ITGA2: variants seen among roughly 807,000 people sequenced by gnomAD.
ITGA2 encodes integrin alpha-2.
A neutral mutation model predicts 146.3 loss-of-function variants in ITGA2; 101 were observed. The ratio of observed to expected loss-of-function variants is 0.69; its 90% CI spans 0.59 to 0.81. The LOEUF (loss-of-function observed/expected upper bound fraction) is 0.81, where lower values mean the gene tolerates loss of function less well. Among genes scored for constraint, ITGA2 ranks in the 40% least tolerant of loss-of-function variants. The pLI is 0.00. For missense variants in ITGA2, 1,281 were observed against 1,402.7 expected, an observed-to-expected ratio of 0.91 and a Z score of 1.39; for synonymous variants, 477 against 487.1, an observed-to-expected ratio of 0.98 and a Z score of 0.27.
intron 15 of ITGA2, 129 bp downstream of exon 15, chr5:53,066,106 A>C (rs1255433611): frequency 3.3e-6 from 3 of 898,208 alleles, no homozygotes; most frequent in Admixed American, 1.8e-5. Flanking sequence ...GATGTATCAT[A>C]GTTTGCACAA....
chr5:53,089,898 C>A (rs753329755), intron 28 of ITGA2, 48 bp from the exon 29 acceptor site: 13 of 1,090,448 alleles, frequency 1.2e-5, no homozygotes, highest in Non-Finnish European at 1.7e-5. Flanking sequence ...CCATCTCCCC[C>A]CTTTTTTGTG....
intron 24 of ITGA2, 72 bp from the exon 25 acceptor site, chr5:53,080,438 CG>C (rs1745867033): frequency 8.5e-7 from 1 of 1,179,482 alleles, no homozygotes; most frequent in Non-Finnish European, 1.3e-6. Flanking sequence ...TTCATCAACA[CG>C]GGGTTACTGG....
intron 7 of ITGA2, 56 bp downstream of exon 7, chr5:53,051,615 G>T: frequency 6.7e-7 from 1 of 1,487,412 alleles, no homozygotes; most frequent in Non-Finnish European, 9.3e-7. Flanking sequence ...TTATATTTAT[G>T]TAATAAATAT....
chr5:53,025,638 A>G (rs921789808), intron 1 of ITGA2, among the ~76,000 whole-genome samples: 4 of 152,228 alleles, frequency 2.6e-5, no homozygotes, highest in Admixed American at 2.6e-4. Flanking sequence ...CCGGCCTTTC[A>G]GTGCCTAAAA....
intron 16 of ITGA2, among the ~76,000 whole-genome samples, chr5:53,067,563 G>A (rs1258223845): frequency 6.6e-6 from 1 of 151,810 alleles, no homozygotes; most frequent in African/African-American, 2.4e-5. Flanking sequence ...AAAACCTTGA[G>A]CATACACAGA....
rs113282066 is a variant in ITGA2 at position 53,064,967 on chromosome 5, G to T, written c.1658G>T (p.Arg553Leu). Reference protein sequence around the residue: ...LEGPEGIENTRFGSAIAALSD... With the variant: ...LEGPEGIENTLFGSAIAALSD... ...GGCCCCGAGGGCATTGAAAACACTC[G>T]ATTTGGTTCAGCAATTGCAGCTCTT... Residue 553 changes from arginine to leucine, a missense_variant, in exon 14 of 30, where the codon CGA becomes CTA. By Grantham distance (102) the Arg-to-Leu change is moderately radical (BLOSUM62 -2). Coordinates refer to ENST00000296585, the MANE Select transcript of ITGA2 (RefSeq NM_002203.4). 2 of 1,612,866 alleles carry T rather than the reference G, an allele frequency of 1.2e-6. No homozygotes were observed. Among genetic ancestry groups the T allele is most frequent in the Non-Finnish European group, 1.7e-6 (2 of 1,179,214 alleles).
At chr5:52,991,369 T>G (rs754174061) in intron 1 of ITGA2, among the ~76,000 whole-genome samples, 14 of 152,108 alleles carry the variant, frequency 9.2e-5, no homozygotes, top group Admixed American at 3.3e-4. Flanking sequence ...TATCTAAAAT[T>G]TTGTATGGCA....
intron 27 of ITGA2, among the ~76,000 whole-genome samples, chr5:53,086,065 C>T (rs1201874049): frequency 1.3e-5 from 2 of 152,040 alleles, no homozygotes; most frequent in South Asian, 2.1e-4. Context: ...CCACCATGCC[C>T]GGCTAATTTT....
rs749328236 is a variant in ITGA2 at position 53,090,623 on chromosome 5, G to A, written c.*24G>A. The A allele has an allele frequency of 5.1e-6, 8 of 1,582,456 alleles. No homozygotes were observed. In the South Asian group the frequency reaches 8.8e-5, roughly 17 times the overall value. On this transcript the variant is annotated 3_prime_UTR_variant, in exon 30 of 30. Transcript: ENST00000296585. ...GAACCAGCAGACCTACCTGCAGTGGGAACCGGCAGCATCCCAGCCAGGGTT... is the reference window on the plus strand; with the variant it reads ...GAACCAGCAGACCTACCTGCAGTGGAAACCGGCAGCATCCCAGCCAGGGTT...
intron 2 of ITGA2, among the ~76,000 whole-genome samples, chr5:53,037,305 A>G (rs1743538329): frequency 6.6e-6 from 1 of 152,238 alleles, no homozygotes; most frequent in Admixed American, 6.5e-5. Context: ...AAAAGTTTAT[A>G]TCTTGGGATT....
intron 7 of ITGA2, among the ~76,000 whole-genome samples, chr5:53,055,290 C>T (rs1744576908): frequency 6.6e-6 from 1 of 152,078 alleles, no homozygotes; most frequent in Non-Finnish European, 1.5e-5. Context: ...GGGATAAATA[C>T]ATGCACACAT....
intron 1 of ITGA2, among the ~76,000 whole-genome samples, chr5:53,015,588 C>T (rs564237765): frequency 6.6e-6 from 1 of 151,998 alleles, no homozygotes; most frequent in South Asian, 2.1e-4. Flanking sequence ...GTAGAAAGTT[C>T]TTAGATGTCT....
intron 27 of ITGA2, among the ~76,000 whole-genome samples, chr5:53,086,389 TGAAAG>T (rs1278883604): frequency 6.6e-5 from 10 of 152,178 alleles, no homozygotes; most frequent in Non-Finnish European, 1.5e-4. Flanking sequence ...TATAACAAGC[TGAAAG>T]GTTCAGGGCC....
chr5:53,042,980 G>A (rs999723721), intron 3 of ITGA2, among the ~76,000 whole-genome samples: 6 of 152,042 alleles, frequency 3.9e-5, no homozygotes, highest in African/African-American at 1.4e-4. Flanking sequence ...CAAGGGAAGT[G>A]GTGTTTCTTG....
chr5:53,053,652 G>A (rs769153350), intron 7 of ITGA2, among the ~76,000 whole-genome samples: 12 of 152,050 alleles, frequency 7.9e-5, no homozygotes, highest in Non-Finnish European at 1.5e-4. Flanking sequence ...TTGGGCCATT[G>A]TCTATCTCCC....
chr5:53,040,565 T>G (rs749964375), intron 2 of ITGA2, among the ~76,000 whole-genome samples: 7 of 152,192 alleles, frequency 4.6e-5, no homozygotes, highest in Non-Finnish European at 7.4e-5. Flanking sequence ...TTAACCTATC[T>G]GCCTGGTATT....
At chr5:53,080,333 G>C (rs925400431) in intron 24 of ITGA2, among the ~76,000 whole-genome samples, 178 bp from the exon 25 acceptor site, 2 of 152,108 alleles carry the variant, frequency 1.3e-5, no homozygotes, top group Non-Finnish European at 1.5e-5. Flanking sequence ...AGGCATAAAT[G>C]CGTTTTAAGA....
intron 7 of ITGA2, among the ~76,000 whole-genome samples, chr5:53,052,426 T>C (rs3212509): frequency 0.37 from 55,470 of 151,954 alleles, 10,277 homozygotes; most frequent in Admixed American, 0.43. Flanking sequence ...ACCAGATACC[T>C]TCACAAAAAT....
chr5:53,018,991 G>C (rs941686990), intron 1 of ITGA2, among the ~76,000 whole-genome samples: 2 of 152,186 alleles, frequency 1.3e-5, no homozygotes, highest in Admixed American at 6.5e-5. Flanking sequence ...TTGAACCCGG[G>C]AGGCGGAGGT....
Sources: allele counts gnomAD v4.1 joint callset (sites outside exome capture counted in the v4.1 genomes callset), GRCh38; gene constraint gnomAD v4.1.1; transcripts MANE v1.5; gene names NCBI Gene and HGNC (gene_info 2026-07-23, HGNC 2026-07-21).